The following PARN variants were observed in gnomAD, a reference collection of about 807,000 sequenced individuals.
The protein encoded by PARN is poly(A)-specific ribonuclease PARN.
PARN carries 71 observed loss-of-function variants against 102.8 expected under a neutral mutation model. The observed-to-expected ratio is 0.69, with a 90% confidence interval of 0.57 to 0.84. The LOEUF is 0.84. Among genes scored for constraint, PARN ranks in the 40% least tolerant of loss-of-function variants. The pLI is 0.00. For missense variants in PARN, 782 were observed against 760.9 expected (o/e 1.03, Z -0.33); for synonymous variants, 261 against 252.9 (o/e 1.03, Z -0.30).
chr16:14,516,060 G>A (rs930261646), intron 21 of PARN, among the ~76,000 whole-genome samples: 5 of 151,674 alleles, frequency 3.3e-5, no homozygotes, highest in African/African-American at 1.2e-4. Context: ...AAAAAAATTA[G>A]ATATAAAAAG....
intron 22 of PARN, among the ~76,000 whole-genome samples, chr16:14,470,650 G>C (rs557775318): frequency 2.0e-5 from 3 of 151,796 alleles, no homozygotes; most frequent in African/African-American, 7.2e-5. Context: ...GTAGAGACAG[G>C]GTTTCGCCAT....
intron 21 of PARN, among the ~76,000 whole-genome samples, chr16:14,488,397 A>G (rs530056028): frequency 6.6e-6 from 1 of 152,364 alleles, no homozygotes; most frequent in South Asian, 2.1e-4. Flanking sequence ...TGGCTACATT[A>G]ATATTAAAGC....
intron 18 of PARN, among the ~76,000 whole-genome samples, chr16:14,560,210 A>C (rs140873661): frequency 6.6e-6 from 1 of 152,238 alleles, no homozygotes; most frequent in Admixed American, 6.5e-5. Context: ...GCTGATAAAG[A>C]CATGAAAGGA....
At chr16:14,444,006 G>A (rs945876673) in intron 23 of PARN, among the ~76,000 whole-genome samples, 1 of 152,154 alleles carries the variant, frequency 6.6e-6, no homozygotes, top group African/African-American at 2.4e-5. Flanking sequence ...AAATACTTCT[G>A]AGAGTTTAAT....
intron 23 of PARN, among the ~76,000 whole-genome samples, chr16:14,445,802 G>C (rs956422395): frequency 1.3e-5 from 2 of 152,208 alleles, no homozygotes; most frequent in African/African-American, 4.8e-5. Flanking sequence ...GACCTCAAGT[G>C]ATCCACCCGT....
chr16:14,486,209 C>A (rs1017585804), intron 21 of PARN, among the ~76,000 whole-genome samples: 61 of 152,094 alleles, frequency 4.0e-4, no homozygotes, highest in East Asian at 1.4e-3. Context: ...ACAAAAAAAA[C>A]CACAAAAATT....
intron 21 of PARN, among the ~76,000 whole-genome samples, chr16:14,506,609 G>A (rs1596535407): frequency 6.6e-6 from 1 of 152,330 alleles, no homozygotes; most frequent in East Asian, 1.9e-4. Flanking sequence ...TATTATGCTT[G>A]TGTATATATG....
In PARN at chr16:14,627,097, G is replaced by A. The variant is rs749835798; in HGVS notation, c.327+9C>T. The A allele has an allele frequency of 1.3e-6, 2 of 1,509,840 alleles. No individual in the cohort carries two copies. Among genetic ancestry groups the A allele is most frequent in the Non-Finnish European group, 1.8e-6 (2 of 1,089,444 alleles). 93.5% of individuals were successfully genotyped at this position (1,509,840 alleles called of 1,614,324 possible). ...TTCAGAAAAGAAAAATCTCAATTAT[G>A]CTACTTACCTGACAAACAAATTTGA... On this transcript the variant is annotated intron_variant, in intron 5 of 23. Coordinates refer to ENST00000437198, the MANE Select transcript of PARN (RefSeq NM_002582.4).
chr16:14,566,925 G>A (rs944922791), intron 18 of PARN, among the ~76,000 whole-genome samples: 4 of 152,226 alleles, frequency 2.6e-5, no homozygotes, highest in Non-Finnish European at 4.4e-5. Flanking sequence ...TCACAAGGCA[G>A]AAATTAAATA....
chr16:14,578,394 T>C (rs12447905), intron 18 of PARN: 34,927 of 143,104 alleles, frequency 0.24, 4,627 homozygotes, highest in Middle Eastern at 0.38. Context: ...GTGACTAACG[T>C]CTGTAACTCC....
At chr16:14,469,916 T>G (rs973344009) in intron 22 of PARN, among the ~76,000 whole-genome samples, 3 of 152,210 alleles carry the variant, frequency 2.0e-5, no homozygotes, top group Non-Finnish European at 4.4e-5. Flanking sequence ...AGTATTTCAC[T>G]TTCCTAACAT....
intron 22 of PARN, among the ~76,000 whole-genome samples, chr16:14,471,342 ATAT>A (rs1425849186): frequency 2.0e-5 from 3 of 152,202 alleles, no homozygotes; most frequent in Non-Finnish European, 4.4e-5. Flanking sequence ...GTGATAACTC[ATAT>A]TATATGATAA....
At chr16:14,565,936 T>C (rs542556834) in intron 18 of PARN, among the ~76,000 whole-genome samples, 2 of 152,232 alleles carry the variant, frequency 1.3e-5, no homozygotes, top group African/African-American at 4.8e-5. Context: ...AGCTATTTGA[T>C]AGGTAGCCCA....
intron 18 of PARN, chr16:14,558,625 T>C (rs1483929677): frequency 1.3e-5 from 2 of 152,186 alleles, no homozygotes; most frequent in African/African-American, 4.8e-5. Flanking sequence ...CCTCAAGATT[T>C]GATAATACAT....
intron 6 of PARN, 64 bp downstream of exon 6, chr16:14,617,526 A>T (rs1382999336): frequency 3.5e-6 from 3 of 851,610 alleles, no homozygotes; most frequent in Non-Finnish European, 6.1e-6. Flanking sequence ...CCAAGTTCAG[A>T]CTTACTTCCC....
chr16:14,577,547 T>C (rs1256156758), intron 18 of PARN, among the ~76,000 whole-genome samples: 1 of 152,112 alleles, frequency 6.6e-6, no homozygotes, highest in African/African-American at 2.4e-5. Flanking sequence ...TTGTCCAGGC[T>C]GCTCTCAAAC....
chr16:14,513,258 T>C (rs1174816884), intron 21 of PARN, among the ~76,000 whole-genome samples: 1 of 152,124 alleles, frequency 6.6e-6, no homozygotes, highest in East Asian at 1.9e-4. Flanking sequence ...AAATAAAGTA[T>C]AATTATCAAA....
In PARN at chr16:14,629,575, T is replaced by C. The variant is rs756304713; in HGVS notation, c.97+22A>G. 3.8e-6 allele frequency: 6 copies of C among 1,575,832 alleles called. No individual in the cohort carries two copies. The African/African-American group carries it at 4.0e-5, about 11-fold the overall frequency. ...GGCTATGCACTGCAAAGTGCTAGCCTGAGCTTGCAAGGGAGGGATACCTGA... is the reference window on the plus strand; with the variant it reads ...GGCTATGCACTGCAAAGTGCTAGCCCGAGCTTGCAAGGGAGGGATACCTGA... On this transcript the variant is annotated intron_variant, in intron 2 of 23. Transcript: ENST00000437198.
chr16:14,454,504 C>T (rs1189793336), intron 22 of PARN, among the ~76,000 whole-genome samples: 1 of 152,050 alleles, frequency 6.6e-6, no homozygotes, highest in African/African-American at 2.4e-5. Flanking sequence ...ATACTAAGAT[C>T]TCCTTTCATT....
Sources: allele counts gnomAD v4.1 joint callset (sites outside exome capture counted in the v4.1 genomes callset), GRCh38; gene constraint gnomAD v4.1.1; transcripts MANE v1.5; gene names NCBI Gene and HGNC (gene_info 2026-07-23, HGNC 2026-07-21).